IL9: variants seen among roughly 807,000 people sequenced by gnomAD.
IL9 encodes interleukin-9.
IL9 carries 16 observed loss-of-function variants against 12.9 expected under a neutral mutation model. The observed-to-expected ratio is 1.24, with a 90% CI of 0.84 to 1.88. The LOEUF (loss-of-function observed/expected upper bound fraction) is 1.88. IL9 is among the 40% of genes most tolerant of loss of function. IL9 has a pLI of 0.00. For synonymous variants in IL9, 69 were observed against 63.8 expected (o/e 1.08, Z -0.39); for missense variants, 170 against 173.1 (o/e 0.98, Z 0.10).
chr5:135,892,950 T>C (rs550179686), intron 4 of IL9, among the ~76,000 whole-genome samples: 47 of 152,342 alleles, frequency 3.1e-4, no homozygotes, highest in African/African-American at 1.1e-3. Context: ...AAATCTCAGC[T>C]CTGCCACTTA....
chr5:135,893,537 G>A (rs906257343), intron 4 of IL9, among the ~76,000 whole-genome samples: 13 of 152,062 alleles, frequency 8.5e-5, no homozygotes, highest in African/African-American at 2.4e-4. Context: ...ACTTGAACCC[G>A]GGAGGCAGAG....
intron 3 of IL9, 26 bp downstream of exon 3, chr5:135,895,414 A>T: frequency 1.3e-6 from 2 of 1,595,322 alleles, no homozygotes; most frequent in South Asian, 1.1e-5. Context: ...TCCAAGGTCA[A>T]CATTATGTTA....
intron 4 of IL9, 52 bp from the exon 5 acceptor site, chr5:135,892,562 A>G: frequency 6.4e-7 from 1 of 1,561,458 alleles, no homozygotes; most frequent in Non-Finnish European, 8.7e-7. Flanking sequence ...ATGTAGAGCC[A>G]AGCAGCCCCA....
At chr5:135,893,428 A>C (rs1342033721) in intron 4 of IL9, among the ~76,000 whole-genome samples, 2 of 152,020 alleles carry the variant, frequency 1.3e-5, no homozygotes, top group East Asian at 3.9e-4. Context: ...CCTGGCCAAC[A>C]TGGTGAAACC....
rs765270121 is a variant in IL9 at position 135,895,547 on chromosome 5, T to C, written c.150+8A>G. The C allele has an allele frequency of 6.2e-7, 1 of 1,613,920 alleles. No individual in the cohort carries two copies. Among genetic ancestry groups the C allele is most frequent in the Non-Finnish European group, 8.5e-7 (1 of 1,179,784 alleles). Reference sequence around the variant, plus strand: ...AATTTGGAAAGTTCTTAAAGAGCATTCACTCACATTAGCACTGCAGTGGCA... The same window carrying C: ...AATTTGGAAAGTTCTTAAAGAGCATCCACTCACATTAGCACTGCAGTGGCA... On this transcript the variant is annotated splice_region_variant and intron_variant, in intron 2 of 4. Transcript: ENST00000274520.
Position 135,894,087 on chromosome 5 carries a change from G to A in IL9, c.248C>T (p.Thr83Ile). The change falls in exon 4 of 5, where the codon ACA (threonine) becomes ATA (isoleucine). Residue 83 changes from threonine to isoleucine, a missense_variant. Physicochemically the swap from Thr to Ile is moderately conservative, Grantham distance 89. Transcript: ENST00000274520. ...CCGACTGAAAATCAGTGGGTATCTT[G>A]TTTGCATGGTGGTATTGGTCATCTG... ...LSQMTNTTMQTRYPLIFSRVK... is the reference protein window; with the variant it reads ...LSQMTNTTMQIRYPLIFSRVK... 2 of 1,613,366 alleles carry A rather than the reference G, an allele frequency of 1.2e-6. No individual in the cohort carries two copies. The highest frequency in any genetic ancestry group is 1.7e-6 in the Non-Finnish European group (2 of 1,179,486).
Position 135,895,432 on chromosome 5 carries a change from A to C in IL9, c.183+8T>G. The C allele has an allele frequency of 6.2e-7, 1 of 1,611,328 alleles. No homozygotes were observed. The highest frequency in any genetic ancestry group is 8.5e-7 in the Non-Finnish European group (1 of 1,178,760). ...AAGGTCAACATTATGTTATTTCACT[A>C]TACTTACAGAGGGAATGCCCAAACA... is the stretch of plus-strand genomic sequence containing the variant. On this transcript the variant is annotated splice_region_variant and intron_variant, in intron 3 of 4. Coordinates refer to ENST00000274520, the MANE Select transcript of IL9 (RefSeq NM_000590.2).
rs749094572 is a variant in IL9, at chr5:135,893,998, T to C, written c.315+22A>G. ...CATAGAAATCACCAACAGGAACATA[T>C]CACATATGAAAACAAACTTACTGGA... On this transcript the variant is annotated intron_variant, in intron 4 of 4. Transcript: ENST00000274520. 5 of 1,602,630 alleles carry C rather than the reference T, an allele frequency of 3.1e-6. No homozygotes were observed. The African/African-American group carries it at 6.7e-5, about 22-fold the overall frequency.
At position 135,895,462 on chromosome 5, in the gene IL9, C is replaced by T. The variant is rs765180351; in HGVS notation, c.161G>A (p.Cys54Tyr). 1 of 1,613,930 alleles carries T rather than the reference C, an allele frequency of 6.2e-7. No individual in the cohort carries two copies. The highest frequency in any genetic ancestry group is 8.5e-7 in the Non-Finnish European group (1 of 1,179,886). ...TACAGAGGGAATGCCCAAACAGAGA[C>T]AACTGGTCACCTGCAAGGGAAATTT... ...KCHCSANVTS[C>Y]LCLGIPSDNC... The change falls in exon 3 of 5, where the codon TGT becomes TAT. Residue 54 changes from cysteine (C) to tyrosine (Y), a missense_variant. Coordinates refer to ENST00000274520, the MANE Select transcript of IL9 (RefSeq NM_000590.2).
intron 4 of IL9, among the ~76,000 whole-genome samples, chr5:135,893,216 G>A (rs1350800540): frequency 6.6e-6 from 1 of 152,212 alleles, no homozygotes; most frequent in East Asian, 1.9e-4. Flanking sequence ...CCAGTCTGCT[G>A]TCAGGGACTA....
rs1561571053 is a variant in IL9, at chr5:135,894,074, C to T, written c.261G>A (p.Leu87=). Residue 87 remains leucine (L), a synonymous_variant, in exon 4 of 5, where the codon CTG becomes CTA. Coordinates refer to ENST00000274520, the MANE Select transcript of IL9 (RefSeq NM_000590.2). Reference sequence around the variant, plus strand: ...CTGATTTTTTCACCCGACTGAAAATCAGTGGGTATCTTGTTTGCATGGTGG... The same window carrying T: ...CTGATTTTTTCACCCGACTGAAAATTAGTGGGTATCTTGTTTGCATGGTGG... ...TNTTMQTRYP[L]IFSRVKKSVE... The T allele has an allele frequency of 6.2e-7, 1 of 1,613,220 alleles. No individual in the cohort carries two copies. The highest frequency in any genetic ancestry group is 1.7e-5 in the Admixed American group (1 of 59,784).
At chr5:135,895,377 T>C (rs1055168966) in intron 3 of IL9, 63 bp downstream of exon 3, 1 of 1,366,584 alleles carries the variant, frequency 7.3e-7, no homozygotes, top group African/African-American at 1.5e-5. Flanking sequence ...AAGCAACTTA[T>C]TTTTACTTAA....
rs780898220 is a variant in IL9 at position 135,892,355 on chromosome 5, T to C, written c.*36A>G. 2 of 1,489,854 alleles carry C rather than the reference T, an allele frequency of 1.3e-6. No individual in the cohort carries two copies. The highest frequency in any genetic ancestry group is 2.6e-5 in the South Asian group (2 of 77,958). The allele number at this position is 1,489,854 out of a possible 1,614,324, so 92.3% of individuals were successfully genotyped here. A position where few individuals can be genotyped will look rare whatever the true frequency, so the allele number is the denominator to read the frequency against. Reference sequence around the variant, plus strand: ...TGTAGCAACTTAAAGAGAAAGCTTTTTAAATTTAATAAATAGGATAAATAA... The same window carrying C: ...TGTAGCAACTTAAAGAGAAAGCTTTCTAAATTTAATAAATAGGATAAATAA... On this transcript the variant is annotated 3_prime_UTR_variant, in exon 5 of 5. Coordinates refer to ENST00000274520, the MANE Select transcript of IL9 (RefSeq NM_000590.2).
intron 4 of IL9, among the ~76,000 whole-genome samples, chr5:135,892,778 A>ACACACACACC (rs71221390): frequency 2.2e-5 from 3 of 134,482 alleles, no homozygotes; most frequent in Non-Finnish European, 4.6e-5. Flanking sequence ...ACACACACAC[A>ACACACACACC]CCCCTATTAA....
intron 4 of IL9, 101 bp downstream of exon 4, chr5:135,893,919 C>A: frequency 1.0e-6 from 1 of 969,794 alleles, no homozygotes; most frequent in Non-Finnish European, 1.5e-6. Flanking sequence ...CTTGAACTAC[C>A]AATTCCAACT....
At chr5:135,892,617 G>T in intron 4 of IL9, 107 bp from the exon 5 acceptor site, 1 of 1,262,734 alleles carries the variant, frequency 7.9e-7, no homozygotes, top group Non-Finnish European at 1.1e-6. Flanking sequence ...AGGATTGTGG[G>T]GATGGGAAGG....
chr5:135,892,542 G>A (rs375457222), intron 4 of IL9, 32 bp from the exon 5 acceptor site: 3 of 1,590,014 alleles, frequency 1.9e-6, no homozygotes, highest in Non-Finnish European at 2.6e-6. Flanking sequence ...AGGACAGAGT[G>A]ACTCAAATGA....
At chr5:135,895,019 T>C (rs575204528) in intron 3 of IL9, among the ~76,000 whole-genome samples, 2 of 151,990 alleles carry the variant, frequency 1.3e-5, no homozygotes, top group South Asian at 2.1e-4. Context: ...AGATAAGGAG[T>C]TGTCATTTTA....
In IL9 at chr5:135,895,447, A is replaced by T; in HGVS notation, c.176T>A (p.Ile59Asn). The T allele has an allele frequency of 1.2e-6, 2 of 1,613,562 alleles. No individual in the cohort carries two copies. Among genetic ancestry groups the T allele is most frequent in the Non-Finnish European group, 1.7e-6 (2 of 1,179,734 alleles). ...ANVTSCLCLG[I>N]PSDNCTRPCF... ...TTATTTCACTATACTTACAGAGGGA[A>T]TGCCCAAACAGAGACAACTGGTCAC... Residue 59 changes from isoleucine to asparagine, a missense_variant, in exon 3 of 5, where the codon ATT (isoleucine) becomes AAT (asparagine). Physicochemically the swap from Ile to Asn is moderately radical, Grantham distance 149 (BLOSUM62 -3). Transcript: ENST00000274520.
Sources: allele counts gnomAD v4.1 joint callset (sites outside exome capture counted in the v4.1 genomes callset), GRCh38; gene constraint gnomAD v4.1.1; transcripts MANE v1.5; gene names NCBI Gene and HGNC (gene_info 2026-07-23, HGNC 2026-07-21).